Variants in BRAP observed in about 807,000 individuals in gnomAD.
BRAP encodes the protein BRCA1 associated protein.
In BRAP, 42 loss-of-function variants were observed where a neutral mutation model predicts 73.4. The ratio of observed to expected loss-of-function variants is 0.57; its 90% confidence interval spans 0.45 to 0.74. The LOEUF is 0.74. BRAP is among the 30% of genes least tolerant of loss of function. The pLI is 0.00. For synonymous variants in BRAP, 255 were observed against 267.4 expected, an observed-to-expected ratio of 0.95 and a Z score of 0.45; for missense variants, 593 against 751.4, an observed-to-expected ratio of 0.79 and a Z score of 2.46.
intron 3 of BRAP, 121 bp downstream of exon 3, chr12:111,681,516 A>G (rs1566131231): frequency 4.0e-6 from 3 of 749,172 alleles, no homozygotes; most frequent in African/African-American, 3.6e-5. Context: ...AACAGACAAA[A>G]GTATTATTAT....
chr12:111,670,227 G>A (rs1887113926), intron 5 of BRAP: 3 of 602,526 alleles, frequency 5.0e-6, no homozygotes, highest in Non-Finnish European at 9.8e-6. Flanking sequence ...TCATCTGACC[G>A]TTTCTCAATG....
rs566720011 is a variant in BRAP, at chr12:111,656,733, C to CT, written c.1222-1079dup. ...CTGACAGCAAAGATTTTTCTTTTTTCTTTCTTTTTTTTTTGTTTAAAACTG... is the reference window on the plus strand; with the variant it reads ...CTGACAGCAAAGATTTTTCTTTTTTCTTTTCTTTTTTTTTTGTTTAAAACTG... On this transcript the variant is annotated intron_variant, in intron 9 of 11. Transcript: ENST00000419234. Among the ~76,000 whole-genome samples, 3 of 151,940 alleles carry CT rather than the reference C, an allele frequency of 2.0e-5. No individual in the cohort carries two copies. In the South Asian group the frequency reaches 6.2e-4, roughly 32 times the overall value.
At chr12:111,683,080 C>T in intron 2 of BRAP, 66 bp downstream of exon 2, 1 of 1,524,340 alleles carries the variant, frequency 6.6e-7, no homozygotes, top group African/African-American at 1.4e-5. Flanking sequence ...TCATCAAACA[C>T]CGTGTATAAA....
At chr12:111,648,007 T>C (rs1240335836) in intron 11 of BRAP, among the ~76,000 whole-genome samples, 1 of 151,490 alleles carries the variant, frequency 6.6e-6, no homozygotes, top group East Asian at 1.9e-4. Context: ...AGGTGGAAGA[T>C]GTAGTGAGCT....
At chr12:111,652,727 T>C (rs1484943224) in intron 10 of BRAP, among the ~76,000 whole-genome samples, 2 of 151,984 alleles carry the variant, frequency 1.3e-5, no homozygotes, top group African/African-American at 4.8e-5. Context: ...CTCTTTTTTT[T>C]TGAGATGGCG....
intron 10 of BRAP, among the ~76,000 whole-genome samples, chr12:111,653,047 GC>G (rs1886388010): frequency 6.6e-6 from 1 of 152,004 alleles, no homozygotes; most frequent in African/African-American, 2.4e-5. Context: ...TTTTAAATCA[GC>G]CAGGCACAGT....
chr12:111,677,967 A>G (rs1887448835), intron 4 of BRAP, among the ~76,000 whole-genome samples: 1 of 152,200 alleles, frequency 6.6e-6, no homozygotes, highest in Non-Finnish European at 1.5e-5. Context: ...TAAAAAGAGA[A>G]TGAGGCCGGG....
intron 6 of BRAP, among the ~76,000 whole-genome samples, chr12:111,661,734 C>CA (rs1886763534): frequency 7.1e-6 from 1 of 141,318 alleles, no homozygotes; most frequent in Non-Finnish European, 1.5e-5. Flanking sequence ...TTTTGTGAGA[C>CA]AGAGTCCTGC....
In BRAP at chr12:111,685,909, C is replaced by T; in HGVS notation, c.-117G>A. The T allele has an allele frequency of 3.6e-6, 2 of 559,572 alleles. No homozygotes were observed. The highest frequency in any genetic ancestry group is 4.6e-5 in the South Asian group (1 of 21,976). 34.7% of individuals were successfully genotyped at this position (559,572 alleles called of 1,614,324 possible). A position where few individuals can be genotyped will look rare whatever the true frequency, so the allele number is the denominator to read the frequency against. ...GCCACCACCTCAATGCAGTTGCCGCCGCCTCAGCAGCAGCAGCTCCTCGAA... is the reference window on the plus strand; with the variant it reads ...GCCACCACCTCAATGCAGTTGCCGCTGCCTCAGCAGCAGCAGCTCCTCGAA... On this transcript the variant is annotated 5_prime_UTR_variant, in exon 1 of 12. Transcript: ENST00000419234.
At chr12:111,661,428 C>T (rs1303219498) in intron 6 of BRAP, among the ~76,000 whole-genome samples, 11 of 151,948 alleles carry the variant, frequency 7.2e-5, no homozygotes, top group East Asian at 5.8e-4. Context: ...TACAGGCATG[C>T]GCCACCACGC....
At position 111,659,197 on chromosome 12, in the gene BRAP, TG is replaced by T. The variant is rs1329312323; in HGVS notation, c.1111+9del. The T allele has an allele frequency of 1.2e-6, 2 of 1,611,074 alleles. No individual in the cohort carries two copies. Among genetic ancestry groups the T allele is most frequent in the African/African-American group, 1.3e-5 (1 of 74,684 alleles). ...AATGAGTCCAAATTAGAAAAGAGAG[TG>T]GTATTCACCTCCAGCATAGTCCCAG... On this transcript the variant is annotated intron_variant, in intron 8 of 11. Coordinates refer to ENST00000419234, the MANE Select transcript of BRAP (RefSeq NM_006768.5).
chr12:111,649,882 G>T, intron 11 of BRAP, 57 bp downstream of exon 11: 2 of 1,248,062 alleles, frequency 1.6e-6, no homozygotes, highest in Non-Finnish European at 2.3e-6. Flanking sequence ...CCATAGGAAT[G>T]AAAGAAACTG....
At chr12:111,676,404 C>A (rs1450904056) in intron 4 of BRAP, among the ~76,000 whole-genome samples, 1 of 151,916 alleles carries the variant, frequency 6.6e-6, no homozygotes, top group Non-Finnish European at 1.5e-5. Context: ...GTTTCCTCAA[C>A]TGTAAAATAC....
At chr12:111,668,706 G>A (rs188868097) in intron 5 of BRAP, among the ~76,000 whole-genome samples, 2,353 of 151,362 alleles carry the variant, frequency 0.016, 71 homozygotes, top group African/African-American at 0.054. Flanking sequence ...GCCCAGGCTG[G>A]AGTGCAGTGG....
chr12:111,670,777 A>G (rs1385910882), intron 5 of BRAP, among the ~76,000 whole-genome samples: 4 of 152,042 alleles, frequency 2.6e-5, no homozygotes, highest in Admixed American at 6.6e-5. Flanking sequence ...AGCATGAGAC[A>G]TCGCATCTGG....
At chr12:111,669,746 GA>G (rs899443760) in intron 5 of BRAP, 68 of 293,560 alleles carry the variant, frequency 2.3e-4, no homozygotes, top group East Asian at 5.1e-4. Context: ...AAATGAAAGA[GA>G]AAAAAAAAGT....
At chr12:111,657,310 C>T (rs1396364533) in intron 9 of BRAP, among the ~76,000 whole-genome samples, 1 of 152,116 alleles carries the variant, frequency 6.6e-6, no homozygotes, top group African/African-American at 2.4e-5. Flanking sequence ...TCCCAAAGTG[C>T]TAGGATTACA....
chr12:111,666,918 C>T (rs938273730), intron 5 of BRAP, among the ~76,000 whole-genome samples: 1 of 152,144 alleles, frequency 6.6e-6, no homozygotes, highest in Non-Finnish European at 1.5e-5. Flanking sequence ...AATTTTATCA[C>T]GTCAATTTTT....
rs972966012 is a variant in BRAP, at chr12:111,643,539, T to A, written c.*660A>T. The A allele has an allele frequency of 1.3e-5, 2 of 152,150 alleles. No individual in the cohort carries two copies. The highest frequency in any genetic ancestry group is 2.9e-5 in the Non-Finnish European group (2 of 68,038). The allele number at this position is 152,150 out of a possible 1,614,324, so 9.4% of individuals were successfully genotyped here. A position where few individuals can be genotyped will look rare whatever the true frequency, so the allele number is the denominator to read the frequency against. On this transcript the variant is annotated 3_prime_UTR_variant, in exon 12 of 12. Transcript: ENST00000419234. ...GGAGCTGCCACCATTTTTCCTACAC[T>A]GAGTCTACCCAATGTGCCCCGGGTT...
Sources: gnomAD v4.1 joint callset for allele counts (sites outside exome capture counted in the v4.1 genomes callset) on GRCh38, gnomAD v4.1.1 for gene constraint, MANE v1.5 for transcripts, NCBI Gene and HGNC (gene_info 2026-07-23, HGNC 2026-07-21) for gene names.